P2RX5: variants seen among roughly 807,000 people sequenced by gnomAD.
The protein encoded by P2RX5 is purinergic receptor P2X 5, also known as P2X purinoceptor 5.
In P2RX5, 46 loss-of-function variants were observed where a neutral mutation model predicts 54.1. The ratio of observed to expected loss-of-function variants is 0.85; its 90% CI spans 0.67 to 1.09. The LOEUF (loss-of-function observed/expected upper bound fraction) is 1.09. Among genes scored for constraint, P2RX5 ranks in the 50% least tolerant of loss-of-function variants. P2RX5 has a pLI of 0.00. For missense variants in P2RX5, 566 were observed against 549.8 expected (o/e 1.03, Z -0.29); for synonymous variants, 226 against 226.4 (o/e 1.00, Z 0.02).
chr17:3,718,047 A>T, the P2RX5 span: 1 of 152,382 alleles, frequency 6.6e-6, no homozygotes, highest in Non-Finnish European at 1.5e-5. Context: ...AAAGATGCCC[A>T]AGTAGAGGTT....
At chr17:3,721,208 C>A in the P2RX5 span, among the ~76,000 whole-genome samples, 3 of 149,446 alleles carry the variant, frequency 2.0e-5, no homozygotes, top group Non-Finnish European at 4.4e-5. Context: ...AGATTACAGG[C>A]ATGAGCCACC....
upstream of P2RX5, among the ~76,000 whole-genome samples, chr17:3,699,883 AAGGAAGGAAGGAAGGAAGGAAG>A (rs1567744318): frequency 0.012 from 641 of 53,816 alleles, 18 homozygotes; most frequent in South Asian, 0.027. Context: ...GAAAGGAAGG[AAGGAAGGAAGGAAGGAAGGAAG>A]GAAGGAAGGA....
At chr17:3,689,745 AC>A in intron 6 of P2RX5, 115 bp from the exon 7 acceptor site, 1 of 1,355,316 alleles carries the variant, frequency 7.4e-7, no homozygotes, top group Non-Finnish European at 1.1e-6. Context: ...CCGCAGCAAC[AC>A]CCCACTTTAC....
chr17:3,696,010 C>T lies in P2RX5; in HGVS notation c.-5G>A, dbSNP rs373188170. 10 of 1,613,390 alleles carry T rather than the reference C, an allele frequency of 6.2e-6. No homozygotes were observed. The highest frequency in any genetic ancestry group is 5.3e-5 in the African/African-American group (4 of 75,054). On this transcript the variant is annotated 5_prime_UTR_variant, in exon 1 of 12. Coordinates refer to ENST00000225328, the MANE Select transcript of P2RX5 (RefSeq NM_002561.4). ...CTTGCAGCCCGCCTGCCCCATGGCGCGCTCTCAGCCGGGCTTGCGGACCGC... is the reference window on the plus strand; with the variant it reads ...CTTGCAGCCCGCCTGCCCCATGGCGTGCTCTCAGCCGGGCTTGCGGACCGC...
chr17:3,685,522 A>T (rs1028131458), intron 9 of P2RX5: 1 of 155,900 alleles, frequency 6.4e-6, no homozygotes, highest in Non-Finnish European at 1.4e-5. Flanking sequence ...CCCAGCACCC[A>T]TGAGCGCCAC....
chr17:3,674,027 G>A (rs900504128), intron 11 of P2RX5, 150 bp from the exon 12 acceptor site: 2 of 825,422 alleles, frequency 2.4e-6, no homozygotes, highest in South Asian at 1.4e-5. Flanking sequence ...GCCAGTTTCC[G>A]GCCAGGCGCG....
chr17:3,677,157 G>A, intron 11 of P2RX5: 1 of 985,422 alleles, frequency 1.0e-6, no homozygotes, highest in Non-Finnish European at 1.2e-6. Flanking sequence ...CATAAGACAG[G>A]TGGGGACGGA....
intron 11 of P2RX5, among the ~76,000 whole-genome samples, chr17:3,674,398 C>T (rs2050054719): frequency 6.6e-6 from 1 of 151,258 alleles, no homozygotes; most frequent in African/African-American, 2.4e-5. Flanking sequence ...CAAGATTATG[C>T]AGAAAAATGG....
chr17:3,675,132 C>T (rs566180197), intron 11 of P2RX5, among the ~76,000 whole-genome samples: 2 of 152,290 alleles, frequency 1.3e-5, no homozygotes, highest in South Asian at 2.1e-4. Flanking sequence ...CTCCGTCTCC[C>T]GGGTTCAAGC....
the P2RX5 span, among the ~76,000 whole-genome samples, chr17:3,712,642 G>C: frequency 6.6e-6 from 1 of 152,166 alleles, no homozygotes; most frequent in African/African-American, 2.4e-5. Context: ...ATCAACTAAA[G>C]AGTGATTTAA....
upstream of P2RX5, among the ~76,000 whole-genome samples, chr17:3,696,726 C>T (rs1055262836): frequency 6.6e-6 from 1 of 152,196 alleles, no homozygotes; most frequent in Non-Finnish European, 1.5e-5. Flanking sequence ...AGGCGTGAGC[C>T]ACCGCGCACG....
At chr17:3,710,302 C>T in the P2RX5 span, among the ~76,000 whole-genome samples, 2 of 151,964 alleles carry the variant, frequency 1.3e-5, no homozygotes, top group Admixed American at 6.6e-5. Flanking sequence ...TGGCATGCAC[C>T]TGCAGTCCCA....
chr17:3,682,214 C>T (rs1179904864), intron 9 of P2RX5: 6 of 558,642 alleles, frequency 1.1e-5, no homozygotes, highest in South Asian at 3.8e-5. Context: ...AGGCACTCCC[C>T]GACCCCGCAC....
At chr17:3,689,829 A>T (rs2050551757) in intron 6 of P2RX5, among the ~76,000 whole-genome samples, 199 bp from the exon 7 acceptor site, 1 of 152,156 alleles carries the variant, frequency 6.6e-6, no homozygotes, top group African/African-American at 2.4e-5. Context: ...ACATGCAGAC[A>T]TCACACACAC....
At chr17:3,713,488 T>C in the P2RX5 span, among the ~76,000 whole-genome samples, 80,150 of 151,728 alleles carry the variant, frequency 0.53, 22,016 homozygotes, top group African/African-American at 0.64. Flanking sequence ...CGGTGGCTCA[T>C]GCCTGTAATC....
At chr17:3,702,657 T>C in the P2RX5 span, among the ~76,000 whole-genome samples, 2 of 152,182 alleles carry the variant, frequency 1.3e-5, no homozygotes, top group Non-Finnish European at 2.9e-5. Context: ...TCTGGACACA[T>C]CTGAACATCA....
At chr17:3,685,722 AGC>A (rs2050440735) in intron 9 of P2RX5, 1 of 17,250 alleles carries the variant, frequency 5.8e-5, no homozygotes, top group Non-Finnish European at 1.8e-4. Context: ...TCCCCCTCCC[AGC>A]CTGAGAACAG....
At chr17:3,688,906 T>TC (rs1555569862) in intron 7 of P2RX5, 147 bp from the exon 8 acceptor site, 7 of 840,028 alleles carry the variant, frequency 8.3e-6, no homozygotes, top group Admixed American at 1.9e-5. Context: ...GGAGGCTTAG[T>TC]CCCCCCATGG....
At chr17:3,678,547 C>A (rs1043983154) in intron 11 of P2RX5, among the ~76,000 whole-genome samples, 8 of 152,192 alleles carry the variant, frequency 5.3e-5, no homozygotes, top group Non-Finnish European at 1.2e-4. Context: ...CCATACGGAC[C>A]CCTAGCCTCC....
Sources: allele counts gnomAD v4.1 joint callset (sites outside exome capture counted in the v4.1 genomes callset), GRCh38; gene constraint gnomAD v4.1.1; transcripts MANE v1.5; gene names NCBI Gene and HGNC (gene_info 2026-07-23, HGNC 2026-07-21).